Variants in CDH7 observed in about 807,000 individuals in gnomAD.
CDH7 encodes cadherin 7, also known as cadherin-7.
Under a neutral mutation model 71.8 loss-of-function variants are expected in CDH7, and 25 were observed. The observed-to-expected ratio is 0.35, with a 90% CI of 0.25 to 0.49. CDH7 has a LOEUF of 0.49. Ranked by LOEUF, CDH7 falls within the 20% of genes least tolerant of loss-of-function variation. CDH7 has a pLI of 0.99. For missense variants in CDH7, 862 were observed against 974.6 expected, an observed-to-expected ratio of 0.88 and a Z score of 1.54; for synonymous variants, 381 against 363.8, an observed-to-expected ratio of 1.05 and a Z score of -0.54.
At position 65,858,699 on chromosome 18, in the gene CDH7, T is replaced by C. The variant is rs77348574; in HGVS notation, c.1373-226T>C. On this transcript the variant is annotated intron_variant, in intron 8 of 11. Transcript: ENST00000397968. ...ACATAAGTATGTATACATACACATA[T>C]ACGTATATACATATATGTATGTGTG... Among the ~76,000 whole-genome samples, 9,590 of 152,058 alleles carry C rather than the reference T, an allele frequency of 0.063. 413 individuals are homozygous for C. Among genetic ancestry groups the C allele is most frequent in the South Asian group, 0.14 (688 of 4,822 alleles).
At position 65,881,962 on chromosome 18, in the gene CDH7, G is replaced by C. The variant is rs1230539163; in HGVS notation, c.*1068G>C. 2 of 152,138 alleles carry C rather than the reference G, an allele frequency of 1.3e-5. No homozygotes were observed. Among genetic ancestry groups the C allele is most frequent in the African/African-American group, 4.8e-5 (2 of 41,436 alleles). 9.4% of individuals were successfully genotyped at this position (152,138 alleles called of 1,614,324 possible). A position where few individuals can be genotyped will look rare whatever the true frequency, so the allele number is the denominator to read the frequency against. The stretch of plus-strand genomic sequence containing the variant: ...ATTGGAATAAAATATTTGTATTTTA[G>C]AAAGACTTCAGAGAGAATTGAGATT... On this transcript the variant is annotated 3_prime_UTR_variant, in exon 12 of 12. Transcript: ENST00000397968.
chr18:65,765,021 G>A (rs183733618), intron 2 of CDH7, among the ~76,000 whole-genome samples: 13 of 151,986 alleles, frequency 8.6e-5, no homozygotes, highest in Non-Finnish European at 1.8e-4. Context: ...TAGGTAACAA[G>A]AAATATTATG....
intron 7 of CDH7, among the ~76,000 whole-genome samples, chr18:65,853,391 C>T (rs1311692718): frequency 1.3e-5 from 1 of 76,148 alleles, no homozygotes; most frequent in Non-Finnish European, 3.4e-5. Flanking sequence ...TCTCTTGGCT[C>T]AATCAGCCAT....
intron 4 of CDH7, among the ~76,000 whole-genome samples, chr18:65,817,007 C>T (rs868153844): frequency 2.0e-5 from 3 of 152,252 alleles, no homozygotes; most frequent in South Asian, 2.1e-4. Context: ...CTACCTAATT[C>T]GTAGCTTAAA....
chr18:65,782,107 C>CTTCCTTCCTTCTTTCTTTCT (rs1910309338), intron 2 of CDH7, among the ~76,000 whole-genome samples: 12 of 25,228 alleles, frequency 4.8e-4, no homozygotes, highest in African/African-American at 1.1e-3. Flanking sequence ...TCCTTCCTTC[C>CTTCCTTCCTTCTTTCTTTCT]TTCTTTCTTT....
intron 2 of CDH7, among the ~76,000 whole-genome samples, chr18:65,807,208 ATGCT>A (rs1467126701): frequency 6.6e-6 from 1 of 152,178 alleles, no homozygotes; most frequent in African/African-American, 2.4e-5. Flanking sequence ...TTAAGTTCTG[ATGCT>A]GTCAGTAATG....
Position 65,814,555 on chromosome 18 carries a change from C to G in CDH7, c.576C>G (p.Val192=), listed in dbSNP as rs1568199983. The G allele has an allele frequency of 6.2e-7, 1 of 1,613,386 alleles. No individual in the cohort carries two copies. The highest frequency in any genetic ancestry group is 1.7e-5 in the Admixed American group (1 of 59,956). The change falls in exon 4 of 12, where the codon GTC becomes GTG. Residue 192 remains valine, a synonymous_variant. Coordinates refer to ENST00000397968, the MANE Select transcript of CDH7 (RefSeq NM_004361.5). ...DPTYGNSARV[V]YSILQGQPYF... Reference sequence around the variant, plus strand: ...CATATGGCAACAGTGCCAGAGTGGTCTACAGTATTCTGCAAGGACAGCCGT... The same window carrying G: ...CATATGGCAACAGTGCCAGAGTGGTGTACAGTATTCTGCAAGGACAGCCGT...
At chr18:65,859,131 T>G in intron 9 of CDH7, 85 bp downstream of exon 9, 1 of 1,297,254 alleles carries the variant, frequency 7.7e-7, no homozygotes, top group Non-Finnish European at 1.1e-6. Context: ...TTCTTCCAGC[T>G]TTAAGATAAA....
At chr18:65,804,699 C>CGCGTGTGTGTGT (rs1911249613) in intron 2 of CDH7, among the ~76,000 whole-genome samples, 1 of 148,708 alleles carries the variant, frequency 6.7e-6, no homozygotes, top group Non-Finnish European at 1.5e-5. Context: ...CCTTAACACA[C>CGCGTGTGTGTGT]GTGTGTGTGT....
intron 6 of CDH7, among the ~76,000 whole-genome samples, chr18:65,836,109 C>T (rs565410338): frequency 1.6e-4 from 25 of 152,264 alleles, no homozygotes; most frequent in African/African-American, 5.3e-4. Context: ...AATTCTTCCC[C>T]GAAGCCTCCA....
At chr18:65,778,363 A>G (rs1015511589) in intron 2 of CDH7, among the ~76,000 whole-genome samples, 1 of 150,130 alleles carries the variant, frequency 6.7e-6, no homozygotes, top group Non-Finnish European at 1.5e-5. Flanking sequence ...GTAGAACATG[A>G]TGGGCTAAAT....
At chr18:65,850,153 G>T (rs1300310052) in intron 7 of CDH7, among the ~76,000 whole-genome samples, 6 of 125,500 alleles carry the variant, frequency 4.8e-5, no homozygotes, top group Non-Finnish European at 9.8e-5. Context: ...GACAGAGTGA[G>T]ACCCTGCCAC....
chr18:65,831,279 G>A lies in CDH7; in HGVS notation c.981+6448G>A, dbSNP rs1044165816. ...CTGGGCTTAATCTAACCATGGAAGA[G>A]CAACCTGTGAGTACCTATGTAAGGA... On this transcript the variant is annotated intron_variant, in intron 6 of 11. Coordinates refer to ENST00000397968, the MANE Select transcript of CDH7 (RefSeq NM_004361.5). Among the ~76,000 whole-genome samples, 8 of 152,208 alleles carry A rather than the reference G, an allele frequency of 5.3e-5. No individual in the cohort carries two copies. In the East Asian group the frequency reaches 1.6e-3, roughly 29 times the overall value.
intron 11 of CDH7, among the ~76,000 whole-genome samples, chr18:65,873,606 G>GCATATCTCAAT (rs1301593658): frequency 2.0e-5 from 3 of 152,144 alleles, no homozygotes; most frequent in Non-Finnish European, 4.4e-5. Flanking sequence ...TACACTTAGA[G>GCATATCTCAAT]CATATCTCAA....
At chr18:65,795,739 C>T (rs908027824) in intron 2 of CDH7, among the ~76,000 whole-genome samples, 1 of 152,148 alleles carries the variant, frequency 6.6e-6, no homozygotes, top group East Asian at 1.9e-4. Flanking sequence ...TATTGACACA[C>T]TTGAAATGGT....
intron 7 of CDH7, among the ~76,000 whole-genome samples, chr18:65,857,537 T>G (rs1913408967): frequency 6.6e-6 from 1 of 151,728 alleles, no homozygotes; most frequent in African/African-American, 2.4e-5. Flanking sequence ...AATAATGAAC[T>G]TGAAGTTCTA....
chr18:65,826,831 A>G (rs7227558), intron 6 of CDH7, among the ~76,000 whole-genome samples: 110,868 of 151,400 alleles, frequency 0.73, 40,849 homozygotes, highest in East Asian at 0.98. Context: ...TTTTACAAAT[A>G]CAGAAATAAG....
At chr18:65,830,596 C>G (rs983580426) in intron 6 of CDH7, among the ~76,000 whole-genome samples, 4 of 88,766 alleles carry the variant, frequency 4.5e-5, no homozygotes, top group Non-Finnish European at 1.0e-4. Context: ...CTCCTTCCCT[C>G]CCCCCTTCCC....
At chr18:65,816,291 T>C (rs1181852520) in intron 4 of CDH7, among the ~76,000 whole-genome samples, 2 of 152,126 alleles carry the variant, frequency 1.3e-5, no homozygotes, top group Non-Finnish European at 1.5e-5. Flanking sequence ...TCTCTGCTAA[T>C]TTATAATATG....
Sources: gnomAD v4.1 joint callset for allele counts (sites outside exome capture counted in the v4.1 genomes callset) on GRCh38, gnomAD v4.1.1 for gene constraint, MANE v1.5 for transcripts, NCBI Gene and HGNC (gene_info 2026-07-23, HGNC 2026-07-21) for gene names.